Variants in RALYL observed in about 807,000 individuals in gnomAD.
RALYL encodes the protein RNA-binding Raly-like protein.
RALYL carries 29 observed loss-of-function variants against 35.1 expected under a neutral mutation model. That is an observed-to-expected ratio of 0.83 (90% confidence interval 0.61 to 1.13). The LOEUF is 1.13. RALYL is among the 50% of genes most tolerant of loss of function. The pLI is 0.00. For missense variants in RALYL, 359 were observed against 360.4 expected (o/e 1.00, Z 0.03); for synonymous variants, 120 against 127.6 (o/e 0.94, Z 0.40).
At chr8:84,426,560 C>A (rs571137138) in intron 1 of RALYL, among the ~76,000 whole-genome samples, 33 of 151,802 alleles carry the variant, frequency 2.2e-4, no homozygotes, top group African/African-American at 7.7e-4. Flanking sequence ...GTACTCCAGG[C>A]CTATCCATGT....
intron 1 of RALYL, among the ~76,000 whole-genome samples, chr8:84,425,628 G>A (rs948323556): frequency 8.5e-5 from 13 of 152,108 alleles, no homozygotes; most frequent in Admixed American, 6.5e-4. Context: ...TTCCAAAACA[G>A]CAATTCTAAA....
intron 2 of RALYL, among the ~76,000 whole-genome samples, chr8:84,604,952 G>C (rs1173680917): frequency 6.7e-6 from 1 of 148,778 alleles, no homozygotes; most frequent in Admixed American, 6.7e-5. Context: ...TTGAAACTAT[G>C]CTGGGACATT....
At chr8:84,503,849 G>A (rs931245533) in intron 1 of RALYL, among the ~76,000 whole-genome samples, 1 of 146,398 alleles carries the variant, frequency 6.8e-6, no homozygotes, top group Non-Finnish European at 1.5e-5. Flanking sequence ...AGGCAACAGA[G>A]CAAGACTCTG....
chr8:84,791,372 T>C (rs1820739544), intron 3 of RALYL, among the ~76,000 whole-genome samples: 1 of 152,098 alleles, frequency 6.6e-6, no homozygotes. Context: ...CACAAAACTT[T>C]GGGCAAGGAG....
intron 2 of RALYL, among the ~76,000 whole-genome samples, chr8:84,697,904 T>C (rs1242021223): frequency 6.6e-6 from 1 of 152,044 alleles, no homozygotes; most frequent in African/African-American, 2.4e-5. Flanking sequence ...ATCTCACATA[T>C]CAAATATATT....
At chr8:84,655,938 A>T (rs1564319732) in intron 2 of RALYL, among the ~76,000 whole-genome samples, 1 of 152,156 alleles carries the variant, frequency 6.6e-6, no homozygotes, top group Non-Finnish European at 1.5e-5. Flanking sequence ...TACTTTTAAG[A>T]TCTTATGCAT....
At chr8:84,401,637 C>CAAAAAAAAA (rs71271985) in intron 1 of RALYL, among the ~76,000 whole-genome samples, 2 of 17,406 alleles carry the variant, frequency 1.1e-4, no homozygotes, top group Non-Finnish European at 2.5e-4. Flanking sequence ...GACTCTGTCT[C>CAAAAAAAAA]AAAAAAAAAA....
chr8:84,380,619 C>T (rs1353181377), intron 1 of RALYL, among the ~76,000 whole-genome samples: 1 of 151,890 alleles, frequency 6.6e-6, no homozygotes. Context: ...TAGTTAACCA[C>T]ATGTCTGTTC....
chr8:84,814,610 A>G (rs1826736407), intron 4 of RALYL, among the ~76,000 whole-genome samples: 1 of 152,180 alleles, frequency 6.6e-6, no homozygotes. Flanking sequence ...CATAGACCCA[A>G]TCTGAATATT....
intron 2 of RALYL, among the ~76,000 whole-genome samples, chr8:84,588,984 G>T (rs543280475): frequency 6.6e-6 from 1 of 151,862 alleles, no homozygotes; most frequent in South Asian, 2.1e-4. Context: ...TGCAACCTCC[G>T]CCTCCTGGGT....
chr8:84,644,420 T>C (rs1254506199), intron 2 of RALYL, among the ~76,000 whole-genome samples: 1 of 152,084 alleles, frequency 6.6e-6, no homozygotes, highest in Non-Finnish European at 1.5e-5. Flanking sequence ...ATTCCTATCC[T>C]CGTGGACTGA....
intron 2 of RALYL, among the ~76,000 whole-genome samples, chr8:84,715,931 G>T (rs1349832122): frequency 6.6e-6 from 1 of 151,920 alleles, no homozygotes; most frequent in Non-Finnish European, 1.5e-5. Flanking sequence ...AACTTCATTT[G>T]TATTTAAAAT....
chr8:84,769,516 T>C (rs772894973), intron 2 of RALYL, among the ~76,000 whole-genome samples: 126 of 152,290 alleles, frequency 8.3e-4, no homozygotes, highest in Non-Finnish European at 1.7e-3. Flanking sequence ...ATCCTAGCAC[T>C]GTGGGAAGCC....
At chr8:84,696,343 C>G (rs1839142951) in intron 2 of RALYL, among the ~76,000 whole-genome samples, 1 of 151,718 alleles carries the variant, frequency 6.6e-6, no homozygotes, top group South Asian at 2.1e-4. Flanking sequence ...AAAAGGCAAC[C>G]ATAAAAAAGA....
chr8:84,210,840 G>A (rs1819321938), intron 1 of RALYL, among the ~76,000 whole-genome samples: 1 of 151,704 alleles, frequency 6.6e-6, no homozygotes, highest in Non-Finnish European at 1.5e-5. Flanking sequence ...GCATCATTTA[G>A]CATCAGTGTC....
chr8:84,645,019 G>A (rs1446201680), intron 2 of RALYL, among the ~76,000 whole-genome samples: 1 of 151,948 alleles, frequency 6.6e-6, no homozygotes, highest in African/African-American at 2.4e-5. Flanking sequence ...CAAAATGCTA[G>A]GATTACAGGC....
intron 2 of RALYL, among the ~76,000 whole-genome samples, chr8:84,569,818 C>T (rs1807482791): frequency 6.6e-6 from 1 of 151,710 alleles, no homozygotes; most frequent in African/African-American, 2.4e-5. Flanking sequence ...TAGCCAACTT[C>T]CCCAACACTA....
At chr8:84,213,065 C>A (rs1409163699) in intron 1 of RALYL, among the ~76,000 whole-genome samples, 1 of 152,002 alleles carries the variant, frequency 6.6e-6, no homozygotes, top group Non-Finnish European at 1.5e-5. Context: ...TATATAGATA[C>A]AATAGATAAC....
At chr8:84,460,346 G>A (rs28454880) in intron 1 of RALYL, among the ~76,000 whole-genome samples, 1,937 of 151,740 alleles carry the variant, frequency 0.013, 20 homozygotes, top group Middle Eastern at 0.024. Context: ...TCACCTCCAG[G>A]TATATTTGTA....
Sources: allele counts gnomAD v4.1 joint callset (sites outside exome capture counted in the v4.1 genomes callset), GRCh38; gene constraint gnomAD v4.1.1; transcripts MANE v1.5; gene names NCBI Gene and HGNC (gene_info 2026-07-23, HGNC 2026-07-21).